Variants in GNA12 observed in about 807,000 individuals in gnomAD.
GNA12 encodes G protein subunit alpha 12, also known as guanine nucleotide-binding protein subunit alpha-12.
A neutral mutation model predicts 26.0 loss-of-function variants in GNA12; 9 were observed. The observed-to-expected ratio is 0.35, with a 90% CI of 0.21 to 0.60. The LOEUF (loss-of-function observed/expected upper bound fraction) is 0.60. Ranked by LOEUF, GNA12 falls within the 20% of genes least tolerant of loss-of-function variation. The pLI is 0.78. For synonymous variants in GNA12, 264 were observed against 219.6 expected, an observed-to-expected ratio of 1.20 and a Z score of -1.79; for missense variants, 405 against 525.8, an observed-to-expected ratio of 0.77 and a Z score of 2.25.
At chr7:2,757,966 C>G (rs1300420968) in intron 2 of GNA12, among the ~76,000 whole-genome samples, 1 of 152,188 alleles carries the variant, frequency 6.6e-6, no homozygotes, top group Non-Finnish European at 1.5e-5. Context: ...CTTCCCTCCC[C>G]CTGCAAATGT....
chr7:2,833,436 A>G (rs564845221), intron 1 of GNA12, among the ~76,000 whole-genome samples: 2 of 152,186 alleles, frequency 1.3e-5, no homozygotes, highest in Non-Finnish European at 2.9e-5. Flanking sequence ...CACATCAAGC[A>G]CAGCTGGCTT....
intron 2 of GNA12, among the ~76,000 whole-genome samples, chr7:2,738,227 C>T (rs995944369): frequency 1.5e-4 from 22 of 151,630 alleles, no homozygotes; most frequent in Admixed American, 1.3e-3. Context: ...CAAGCCTGGC[C>T]AACATGGTGA....
chr7:2,835,853 A>G lies in GNA12; in HGVS notation c.309+8000T>C, dbSNP rs1284157998. 3.8e-5 allele frequency: 23 copies of G among 607,924 alleles called. No homozygotes were observed. The East Asian group carries it at 6.5e-4, about 17-fold the overall frequency. The allele number at this position is 607,924 out of a possible 1,614,324, so 37.7% of individuals were successfully genotyped here. A position where few individuals can be genotyped will look rare whatever the true frequency, so the allele number is the denominator to read the frequency against. On this transcript the variant is annotated intron_variant, in intron 1 of 3. Coordinates refer to ENST00000275364, the MANE Select transcript of GNA12 (RefSeq NM_007353.3). ...CAAATCGGTGATGTCTTCATTAGCC[A>G]TTCTCAAGAAGAAACACAGGAAATG...
intron 2 of GNA12, among the ~76,000 whole-genome samples, chr7:2,794,316 T>G (rs542251790): frequency 2.6e-5 from 4 of 152,288 alleles, no homozygotes; most frequent in Admixed American, 6.5e-5. Flanking sequence ...TGCACATTTA[T>G]GCTGGTTATC....
chr7:2,807,185 T>C (rs1014235011), intron 1 of GNA12, among the ~76,000 whole-genome samples: 1 of 152,218 alleles, frequency 6.6e-6, no homozygotes, highest in African/African-American at 2.4e-5. Context: ...ATTTAGTGTA[T>C]GTATACTGAC....
At chr7:2,795,235 C>T (rs2533886) in intron 1 of GNA12, 92 bp from the exon 2 acceptor site, 471,299 of 916,718 alleles carry the variant, frequency 0.51, 124,692 homozygotes, top group Admixed American at 0.58. Flanking sequence ...ATTGTCATAA[C>T]GCAGAAAACT....
chr7:2,751,949 G>A (rs572829244), intron 2 of GNA12, among the ~76,000 whole-genome samples: 2 of 152,128 alleles, frequency 1.3e-5, no homozygotes, highest in Admixed American at 6.5e-5. Context: ...ACTAACGAAC[G>A]TGAACTTTTT....
chr7:2,818,670 T>A (rs923806723), intron 1 of GNA12, among the ~76,000 whole-genome samples: 1 of 148,912 alleles, frequency 6.7e-6, no homozygotes, highest in South Asian at 2.1e-4. Flanking sequence ...GGCTGAGGCA[T>A]GAGAATTGCC....
chr7:2,775,027 T>G (rs1004544476), intron 2 of GNA12, among the ~76,000 whole-genome samples: 2 of 152,190 alleles, frequency 1.3e-5, no homozygotes, highest in African/African-American at 4.8e-5. Context: ...AGTTAAACAA[T>G]TTGGACTTTT....
At chr7:2,758,143 TAAAC>T (rs754549650) in intron 2 of GNA12, among the ~76,000 whole-genome samples, 40 of 152,152 alleles carry the variant, frequency 2.6e-4, no homozygotes, top group East Asian at 5.8e-4. Context: ...ATCCTATTCT[TAAAC>T]AAAGACAAAA....
chr7:2,800,978 G>A (rs1453343133), intron 1 of GNA12, among the ~76,000 whole-genome samples: 1 of 151,964 alleles, frequency 6.6e-6, no homozygotes, highest in Non-Finnish European at 1.5e-5. Flanking sequence ...TCCCCACTAT[G>A]CACAACAAAA....
chr7:2,781,061 A>T (rs1043905289), intron 2 of GNA12, among the ~76,000 whole-genome samples: 1 of 152,204 alleles, frequency 6.6e-6, no homozygotes, highest in Admixed American at 6.5e-5. Context: ...AGTATATCAT[A>T]ATATCATCTC....
chr7:2,809,437 G>A (rs1163599434), intron 1 of GNA12, among the ~76,000 whole-genome samples: 2 of 152,162 alleles, frequency 1.3e-5, no homozygotes, highest in East Asian at 1.9e-4. Context: ...GCGTTTCAAT[G>A]TATTTTTCAT....
chr7:2,824,512 G>A (rs1029206547), intron 1 of GNA12, among the ~76,000 whole-genome samples: 1 of 152,164 alleles, frequency 6.6e-6, no homozygotes, highest in Non-Finnish European at 1.5e-5. Flanking sequence ...CCCAGCACTT[G>A]TTGCTTTCTA....
chr7:2,803,081 G>C (rs1346270362), intron 1 of GNA12, among the ~76,000 whole-genome samples: 1 of 132,728 alleles, frequency 7.5e-6, no homozygotes, highest in Non-Finnish European at 1.7e-5. Flanking sequence ...AATGAAAAGT[G>C]GTGGGTAACG....
intron 2 of GNA12, among the ~76,000 whole-genome samples, chr7:2,734,185 G>A (rs1008782072): frequency 3.9e-5 from 6 of 152,346 alleles, no homozygotes; most frequent in Admixed American, 6.5e-5. Context: ...CCCCGTTTCA[G>A]GAAGCGCTGA....
At position 2,782,518 on chromosome 7, in the gene GNA12, G is replaced by A. The variant is rs138700155; in HGVS notation, c.525+12410C>T. ...GAGATATCATTCCACTCTTTCTGGCGCCTGCTGTAGCTTTTGGGAAGAAAG... is the reference window on the plus strand; with the variant it reads ...GAGATATCATTCCACTCTTTCTGGCACCTGCTGTAGCTTTTGGGAAGAAAG... On this transcript the variant is annotated intron_variant, in intron 2 of 3. Coordinates refer to ENST00000275364, the MANE Select transcript of GNA12 (RefSeq NM_007353.3). 3.7e-4 allele frequency among the ~76,000 whole-genome samples: 57 copies of A among 152,274 alleles called. 1 individual carries two copies. Among genetic ancestry groups the A allele is most frequent in the Admixed American group, 1.4e-3 (21 of 15,298 alleles).
intron 2 of GNA12, among the ~76,000 whole-genome samples, chr7:2,771,826 G>C (rs746410160): frequency 6.6e-6 from 1 of 152,188 alleles, no homozygotes; most frequent in Non-Finnish European, 1.5e-5. Context: ...TGTGATAATT[G>C]TATGTTTAAC....
In GNA12 at chr7:2,805,311, C is replaced by T. The variant is rs186744594; in HGVS notation, c.310-10168G>A. ...CATTTAGTCTTTATAAATAACTCTG[C>T]GAGGAATAGCATTATGCCCATTTTA... On this transcript the variant is annotated intron_variant, in intron 1 of 3. Transcript: ENST00000275364. Among the ~76,000 whole-genome samples, 212 of 152,292 alleles carry T rather than the reference C, an allele frequency of 1.4e-3. 2 individuals are homozygous for T. The highest frequency in any genetic ancestry group is 1.7e-3 in the Non-Finnish European group (118 of 68,024).
Sources: allele counts gnomAD v4.1 joint callset (sites outside exome capture counted in the v4.1 genomes callset), GRCh38; gene constraint gnomAD v4.1.1; transcripts MANE v1.5; gene names NCBI Gene and HGNC (gene_info 2026-07-23, HGNC 2026-07-21).